The following TRIM2 variants were observed in gnomAD, a reference collection of about 807,000 sequenced individuals.
TRIM2 encodes tripartite motif-containing protein 2.
TRIM2 carries 20 observed loss-of-function variants against 75.2 expected under a neutral mutation model. The observed-to-expected ratio is 0.27, with a 90% CI of 0.19 to 0.39. TRIM2 has a LOEUF of 0.39. Among genes scored for constraint, TRIM2 ranks in the 10% least tolerant of loss-of-function variants. TRIM2 has a pLI of 1.00. For missense variants in TRIM2, 660 were observed against 990.8 expected (o/e 0.67, Z 4.48); for synonymous variants, 373 against 388.3 (o/e 0.96, Z 0.46).
intron 8 of TRIM2, among the ~76,000 whole-genome samples, chr4:153,317,368 G>C (rs1168558180): frequency 6.6e-6 from 1 of 151,594 alleles, no homozygotes; most frequent in Non-Finnish European, 1.5e-5. Context: ...GATCTATCTT[G>C]GCCAGGCGCA....
At chr4:153,168,207 T>C (rs1339706003) in intron 1 of TRIM2, among the ~76,000 whole-genome samples, 1 of 152,182 alleles carries the variant, frequency 6.6e-6, no homozygotes, top group African/African-American at 2.4e-5. Context: ...TAAAATAGCA[T>C]GCTATGCAAC....
At chr4:153,252,373 A>G (rs1751073851) in intron 1 of TRIM2, among the ~76,000 whole-genome samples, 1 of 152,196 alleles carries the variant, frequency 6.6e-6, no homozygotes, top group Non-Finnish European at 1.5e-5. Flanking sequence ...CCTGGACTCT[A>G]GTTCACCTCT....
At position 153,335,057 on chromosome 4, in the gene TRIM2, T is replaced by C; in HGVS notation, c.*91T>C. ...GGGACCAGATTATGACTAGAGTTTTTATGCCAGAAGGAATCATTGGTGAAC... is the reference window on the plus strand; with the variant it reads ...GGGACCAGATTATGACTAGAGTTTTCATGCCAGAAGGAATCATTGGTGAAC... On this transcript the variant is annotated 3_prime_UTR_variant, in exon 12 of 12. Coordinates refer to ENST00000338700, the MANE Select transcript of TRIM2 (RefSeq NM_015271.5). The C allele has an allele frequency of 7.4e-7, 1 of 1,344,704 alleles. No individual in the cohort carries two copies. Among genetic ancestry groups the C allele is most frequent in the South Asian group, 2.3e-5 (1 of 42,592 alleles). The allele number at this position is 1,344,704 out of a possible 1,614,324, so 83.3% of individuals were successfully genotyped here.
At chr4:153,161,960 A>G (rs1242159681) in intron 1 of TRIM2, among the ~76,000 whole-genome samples, 1 of 152,246 alleles carries the variant, frequency 6.6e-6, no homozygotes, top group Non-Finnish European at 1.5e-5. Context: ...ATTATGATTA[A>G]GCATAAACCT....
chr4:153,239,969 G>C (rs1746120671), intron 1 of TRIM2, among the ~76,000 whole-genome samples: 1 of 151,682 alleles, frequency 6.6e-6, no homozygotes, highest in Non-Finnish European at 1.5e-5. Context: ...CGAGTAGTTG[G>C]GACTGCATCC....
intron 6 of TRIM2, among the ~76,000 whole-genome samples, chr4:153,304,425 C>T (rs1764572885): frequency 6.6e-6 from 1 of 151,800 alleles, no homozygotes; most frequent in Non-Finnish European, 1.5e-5. Context: ...CTTGAGATGA[C>T]ATTTAAATTT....
upstream of TRIM2, among the ~76,000 whole-genome samples, chr4:153,203,712 C>T (rs932605368): frequency 1.3e-5 from 2 of 151,878 alleles, no homozygotes; most frequent in South Asian, 2.1e-4. Context: ...GCCAACATGG[C>T]GAAACCCCGT....
intron 2 of TRIM2, among the ~76,000 whole-genome samples, chr4:153,273,644 A>AGG (rs1355941542): frequency 1.6e-4 from 24 of 152,164 alleles, no homozygotes; most frequent in African/African-American, 5.8e-4. Flanking sequence ...AAAGGCTTGA[A>AGG]GGAGAGCAAA....
chr4:153,323,446 C>A (rs1769438456), intron 9 of TRIM2, among the ~76,000 whole-genome samples: 1 of 152,120 alleles, frequency 6.6e-6, no homozygotes, highest in South Asian at 2.1e-4. Flanking sequence ...CTGAATGTCA[C>A]CCAGAATTAT....
intron 1 of TRIM2, among the ~76,000 whole-genome samples, chr4:153,164,670 C>T (rs1161618069): frequency 6.6e-6 from 1 of 152,130 alleles, no homozygotes. Context: ...CTGAAATGTC[C>T]TTGGATATAC....
Position 153,287,432 on chromosome 4 carries a change from G to A in TRIM2, c.454-5550G>A, listed in dbSNP as rs549497933. ...ATTTAAATTAATTAACTTAATTACT[G>A]AAAAGAAAGGCTTTCTTTCCTTTTG... On this transcript the variant is annotated intron_variant, in intron 3 of 11. Coordinates refer to ENST00000338700, the MANE Select transcript of TRIM2 (RefSeq NM_015271.5). Among the ~76,000 whole-genome samples, 7 of 152,256 alleles carry A rather than the reference G, an allele frequency of 4.6e-5. 1 individual carries two copies. In the South Asian group the frequency reaches 1.5e-3, roughly 32 times the overall value.
chr4:153,213,972 A>G (rs1194263686), intron 1 of TRIM2, among the ~76,000 whole-genome samples: 1 of 150,920 alleles, frequency 6.6e-6, no homozygotes, highest in Non-Finnish European at 1.5e-5. Context: ...GCAGCTTAGC[A>G]CCATAAGACA....
chr4:153,330,831 A>G (rs1771311037), intron 11 of TRIM2, among the ~76,000 whole-genome samples: 1 of 152,194 alleles, frequency 6.6e-6, no homozygotes, highest in Admixed American at 6.5e-5. Flanking sequence ...TTCTTGTTCA[A>G]TATAATACTA....
At chr4:153,327,858 A>C (rs1430335189) in intron 10 of TRIM2, among the ~76,000 whole-genome samples, 1 of 152,228 alleles carries the variant, frequency 6.6e-6, no homozygotes, top group Non-Finnish European at 1.5e-5. Context: ...TAGAAAATAG[A>C]GTAATAGAAA....
At chr4:153,230,283 C>T (rs934128871) in intron 1 of TRIM2, among the ~76,000 whole-genome samples, 2 of 152,126 alleles carry the variant, frequency 1.3e-5, no homozygotes, top group East Asian at 1.9e-4. Flanking sequence ...AGGGCTCAAG[C>T]GATCCTCCCA....
At position 153,296,037 on chromosome 4, in the gene TRIM2, G is replaced by T; in HGVS notation, c.1510+1G>T. The T allele has an allele frequency of 6.6e-7, 1 of 1,519,394 alleles. No individual in the cohort carries two copies. Among genetic ancestry groups the T allele is most frequent in the Non-Finnish European group, 8.8e-7 (1 of 1,135,720 alleles). 94.1% of individuals were successfully genotyped at this position (1,519,394 alleles called of 1,614,324 possible). A position where few individuals can be genotyped will look rare whatever the true frequency, so the allele number is the denominator to read the frequency against. Reference sequence around the variant, plus strand: ...GAAGACGATTTGATCTTTCGAGTGGGTAAGGAGAGGGCTTCTGTGCCCGAC... The same window carrying T: ...GAAGACGATTTGATCTTTCGAGTGGTTAAGGAGAGGGCTTCTGTGCCCGAC... On this transcript the variant is annotated splice_donor_variant, in intron 6 of 11. Transcript: ENST00000338700. LOFTEE classifies it high-confidence loss of function.
At chr4:153,245,010 C>A (rs1416760838) in intron 1 of TRIM2, among the ~76,000 whole-genome samples, 1 of 152,204 alleles carries the variant, frequency 6.6e-6, no homozygotes, top group Non-Finnish European at 1.5e-5. Flanking sequence ...TTTCTACCAT[C>A]TTCTGTGGGT....
At chr4:153,280,664 C>T (rs1208290122) in intron 3 of TRIM2, among the ~76,000 whole-genome samples, 2 of 151,568 alleles carry the variant, frequency 1.3e-5, no homozygotes, top group Non-Finnish European at 2.9e-5. Context: ...CAGGCATGAG[C>T]CACTATGTCC....
chr4:153,281,946 C>A (rs1759440317), intron 3 of TRIM2, among the ~76,000 whole-genome samples: 1 of 152,206 alleles, frequency 6.6e-6, no homozygotes, highest in Admixed American at 6.5e-5. Context: ...GACTGCCCTG[C>A]CACTAACAAG....
Sources: gnomAD v4.1 joint callset for allele counts (sites outside exome capture counted in the v4.1 genomes callset) on GRCh38, gnomAD v4.1.1 for gene constraint, MANE v1.5 for transcripts, NCBI Gene and HGNC (gene_info 2026-07-23, HGNC 2026-07-21) for gene names.